The following ATG13 variants were observed in gnomAD, a reference collection of about 807,000 sequenced individuals.
ATG13 encodes the protein autophagy-related protein 13.
In ATG13, 23 loss-of-function variants were observed where a neutral mutation model predicts 65.5. The observed-to-expected ratio is 0.35, with a 90% CI of 0.25 to 0.50. The LOEUF (loss-of-function observed/expected upper bound fraction) is 0.50, where lower values mean the gene tolerates loss of function less well. ATG13 is among the 20% of genes least tolerant of loss of function. ATG13 has a pLI of 0.98. For missense variants in ATG13, 566 were observed against 677.0 expected, an observed-to-expected ratio of 0.84 and a Z score of 1.82; for synonymous variants, 252 against 245.2, an observed-to-expected ratio of 1.03 and a Z score of -0.26.
intron 1 of ATG13, among the ~76,000 whole-genome samples, chr11:46,619,425 C>T (rs575921090): frequency 8.8e-6 from 1 of 113,624 alleles, no homozygotes; most frequent in Admixed American, 1.2e-4. Context: ...ACTCTGGTTG[C>T]CCAGGCTAGA....
At chr11:46,626,070 C>T (rs1449966634) in intron 1 of ATG13, among the ~76,000 whole-genome samples, 1 of 152,152 alleles carries the variant, frequency 6.6e-6, no homozygotes, top group Non-Finnish European at 1.5e-5. Context: ...ATTCTCCTGC[C>T]TCAGCCTCCC....
At chr11:46,658,629 G>C (rs2060509886) in intron 10 of ATG13, among the ~76,000 whole-genome samples, 2 of 150,970 alleles carry the variant, frequency 1.3e-5, no homozygotes, top group Admixed American at 1.3e-4. Context: ...TTCACCTCTT[G>C]GGTTCAAACA....
chr11:46,665,084 C>A, intron 13 of ATG13, 125 bp downstream of exon 13: 2 of 1,032,818 alleles, frequency 1.9e-6, no homozygotes, highest in Non-Finnish European at 2.8e-6. Flanking sequence ...AAAACTCTTT[C>A]GTGACTTCAG....
chr11:46,624,575 G>T (rs2048843261), intron 1 of ATG13, among the ~76,000 whole-genome samples: 1 of 150,486 alleles, frequency 6.6e-6, no homozygotes, highest in African/African-American at 2.4e-5. Flanking sequence ...CTTTCAATTT[G>T]AGCTTGTCCA....
At position 46,656,930 on chromosome 11, in the gene ATG13, C is replaced by T. The variant is rs2060163316; in HGVS notation, c.500-165C>T. ...ATATACACACACATACACGCACATA[C>T]ACACACACACACACACACATATGAA... On this transcript the variant is annotated intron_variant, in intron 8 of 18. Transcript: ENST00000683050. 7.2e-5 allele frequency: 15 copies of T among 208,866 alleles called. No individual in the cohort carries two copies. The South Asian group carries it at 1.3e-3, about 18-fold the overall frequency. 12.9% of individuals were successfully genotyped at this position (208,866 alleles called of 1,614,324 possible). A position where few individuals can be genotyped will look rare whatever the true frequency, so the allele number is the denominator to read the frequency against.
chr11:46,672,214 C>T lies in ATG13; in HGVS notation c.1576-41C>T, dbSNP rs754806009. On this transcript the variant is annotated intron_variant, in intron 18 of 18. Coordinates refer to ENST00000683050, the MANE Select transcript of ATG13 (RefSeq NM_001346311.2). Reference sequence around the variant, plus strand: ...ACTGGGCTGGCTGCCTCCTCAAGGCCCTGCCTGAATAAACGGCTCTTCCCT... The same window carrying T: ...ACTGGGCTGGCTGCCTCCTCAAGGCTCTGCCTGAATAAACGGCTCTTCCCT... 3 of 1,613,728 alleles carry T rather than the reference C, an allele frequency of 1.9e-6. No homozygotes were observed. The African/African-American group carries it at 4.0e-5, about 22-fold the overall frequency.
At chr11:46,650,789 A>G (rs2058733308) in intron 7 of ATG13, among the ~76,000 whole-genome samples, 1 of 152,150 alleles carries the variant, frequency 6.6e-6, no homozygotes, top group Non-Finnish European at 1.5e-5. Context: ...TATTTTTAGT[A>G]GAGACAGGGT....
At chr11:46,661,900 A>T (rs1209344554) in intron 11 of ATG13, among the ~76,000 whole-genome samples, 2 of 152,160 alleles carry the variant, frequency 1.3e-5, no homozygotes, top group Non-Finnish European at 2.9e-5. Flanking sequence ...TCTGTGATTG[A>T]TGTTGTAGAA....
chr11:46,654,280 AT>A (rs200330792), intron 7 of ATG13, among the ~76,000 whole-genome samples: 1 of 97,514 alleles, frequency 1.0e-5, no homozygotes, highest in East Asian at 2.3e-4. Flanking sequence ...TATTTTTAAA[AT>A]TTTATATATA....
At chr11:46,630,154 G>A (rs1214345637) in intron 2 of ATG13, 54 bp downstream of exon 2, 10 of 152,144 alleles carry the variant, frequency 6.6e-5, no homozygotes, top group Non-Finnish European at 1.5e-4. Flanking sequence ...TATAGTAAAG[G>A]AATAAAATGG....
Position 46,666,875 on chromosome 11 carries a change from A to C in ATG13, c.1137-898A>C, listed in dbSNP as rs534962524. ...TAGAAATTCCTGATTTTTTTTTTTC[A>C]TTCCCACGGTAAAGTGGGAAGGAGT... On this transcript the variant is annotated intron_variant, in intron 14 of 18. Coordinates refer to ENST00000683050, the MANE Select transcript of ATG13 (RefSeq NM_001346311.2). 3.1e-4 allele frequency among the ~76,000 whole-genome samples: 46 copies of C among 150,568 alleles called. No individual in the cohort carries two copies. The South Asian group carries it at 9.6e-3, about 32-fold the overall frequency.
chr11:46,618,700 A>C (rs1188367379), intron 1 of ATG13, among the ~76,000 whole-genome samples: 1 of 151,836 alleles, frequency 6.6e-6, no homozygotes, highest in Non-Finnish European at 1.5e-5. Context: ...TATGACTGTT[A>C]GTCCTTTTCA....
chr11:46,621,074 G>C (rs1274353252), intron 1 of ATG13: 2 of 151,910 alleles, frequency 1.3e-5, no homozygotes, highest in Non-Finnish European at 2.9e-5. Context: ...GAGTGTAGTG[G>C]TGTGATCTTG....
At chr11:46,628,169 G>A (rs113542381) in intron 1 of ATG13, among the ~76,000 whole-genome samples, 14,448 of 151,660 alleles carry the variant, frequency 0.095, 944 homozygotes, top group Non-Finnish European at 0.14. Flanking sequence ...TTGGGAGACC[G>A]AGGTGGGCAG....
In ATG13 at chr11:46,618,745, GT is replaced by G. The variant is rs936650178; in HGVS notation, c.-70+865del. 7.3e-3 allele frequency among the ~76,000 whole-genome samples: 1,088 copies of G among 148,304 alleles called. 10 individuals are homozygous for G. Among genetic ancestry groups the G allele is most frequent in the Non-Finnish European group, 0.012 (790 of 66,768 alleles). On this transcript the variant is annotated intron_variant, in intron 1 of 18. Transcript: ENST00000683050. Reference sequence around the variant, plus strand: ...GTAGTGGCTCCAGCTCAATTATGAGGTTTTTTTTTTGTTGTTTTCAACTCTC... The same window carrying G: ...GTAGTGGCTCCAGCTCAATTATGAGGTTTTTTTTTGTTGTTTTCAACTCTC...
chr11:46,664,149 A>C, intron 12 of ATG13, 54 bp downstream of exon 12: 5 of 1,281,336 alleles, frequency 3.9e-6, no homozygotes, highest in African/African-American at 1.5e-5. Flanking sequence ...CTTTTATTTA[A>C]AAATTGTAAA....
intron 2 of ATG13, among the ~76,000 whole-genome samples, chr11:46,631,718 A>T (rs1420151883): frequency 1.3e-5 from 2 of 152,106 alleles, no homozygotes; most frequent in Non-Finnish European, 2.9e-5. Context: ...GTCTCTGCAA[A>T]AAATTAAAAA....
rs945171519 is a variant in ATG13 at position 46,645,925 on chromosome 11, T to A, written c.206T>A (p.Leu69Gln). Residue 69 changes from leucine to glutamine, a missense_variant, in exon 5 of 19, where the codon CTG becomes CAG. By Grantham distance (113) the Leu-to-Gln change is moderately radical (BLOSUM62 -2). Transcript: ENST00000683050. ...GTTACACATGAAGCAAAGAAGGCAC[T>A]GGCAGGACAGCTGCCTGCAGTCGGG... ...PEVTHEAKKA[L>Q]AGQLPAVGRS... 1.9e-6 allele frequency: 3 copies of A among 1,614,078 alleles called. No homozygotes were observed. Among genetic ancestry groups the A allele is most frequent in the Non-Finnish European group, 2.5e-6 (3 of 1,180,018 alleles).
At position 46,617,764 on chromosome 11, in the gene ATG13, G is replaced by T; in HGVS notation, c.-196G>T. On this transcript the variant is annotated 5_prime_UTR_variant, in exon 1 of 19. Coordinates refer to ENST00000683050, the MANE Select transcript of ATG13 (RefSeq NM_001346311.2). ...CCTTCTGAAGCCTTAGGTGTCTATC[G>T]GCGACGTGTACGGTCACTGCAGCTC... 1 of 398,978 alleles carries T rather than the reference G, an allele frequency of 2.5e-6. No individual in the cohort carries two copies. Among genetic ancestry groups the T allele is most frequent in the South Asian group, 1.3e-4 (1 of 7,786 alleles). 24.7% of individuals were successfully genotyped at this position (398,978 alleles called of 1,614,324 possible). A position where few individuals can be genotyped will look rare whatever the true frequency, so the allele number is the denominator to read the frequency against.
Sources: allele counts gnomAD v4.1 joint callset (sites outside exome capture counted in the v4.1 genomes callset), GRCh38; gene constraint gnomAD v4.1.1; transcripts MANE v1.5; gene names NCBI Gene and HGNC (gene_info 2026-07-23, HGNC 2026-07-21).